KLRG1: variants seen among roughly 807,000 people sequenced by gnomAD.
KLRG1 encodes the protein killer cell lectin-like receptor subfamily G member 1.
Under a neutral mutation model 21.8 loss-of-function variants are expected in KLRG1, and 16 were observed. That is an observed-to-expected ratio of 0.73 (90% confidence interval 0.50 to 1.11). The LOEUF (loss-of-function observed/expected upper bound fraction) is 1.11, where lower values mean the gene tolerates loss of function less well. Among genes scored for constraint, KLRG1 ranks in the 50% most tolerant of loss-of-function variants. KLRG1 has a pLI of 0.00. For missense variants in KLRG1, 173 were observed against 218.3 expected (o/e 0.79, Z 1.31); for synonymous variants, 69 against 75.9 (o/e 0.91, Z 0.47).
At chr12:9,100,457 T>G in the KLRG1 span, among the ~76,000 whole-genome samples, 157 of 152,222 alleles carry the variant, frequency 1.0e-3, 1 homozygote, top group African/African-American at 3.7e-3. Flanking sequence ...TTTATTTACT[T>G]TTATAGAGAT....
At chr12:9,190,660 A>G in the KLRG1 span, among the ~76,000 whole-genome samples, 261 of 152,336 alleles carry the variant, frequency 1.7e-3, no homozygotes, top group Non-Finnish European at 3.1e-3. Context: ...GTTTACCTAC[A>G]TAACAAACCT....
the KLRG1 span, chr12:9,101,086 G>A: frequency 3.4e-6 from 5 of 1,470,690 alleles, no homozygotes; most frequent in African/African-American, 4.2e-5. Context: ...TACTTCCGTG[G>A]TGTAAGGCTG....
chr12:9,021,201 G>A, the KLRG1 span, among the ~76,000 whole-genome samples: 1 of 152,086 alleles, frequency 6.6e-6, no homozygotes, highest in Non-Finnish European at 1.5e-5. Context: ...TACCATGAAT[G>A]GAACTTGCAG....
intron 1 of KLRG1, among the ~76,000 whole-genome samples, chr12:8,982,122 A>C (rs953947218): frequency 3.9e-5 from 6 of 152,216 alleles, no homozygotes; most frequent in Non-Finnish European, 5.9e-5. Flanking sequence ...TATGACAGAT[A>C]CTTTGTAGAT....
At chr12:9,068,809 C>T in the KLRG1 span, 2 of 1,607,572 alleles carry the variant, frequency 1.2e-6, no homozygotes, top group Non-Finnish European at 1.7e-6. Flanking sequence ...TCTTGCAGAA[C>T]CGTGAAGAAC....
At chr12:9,031,914 A>G in the KLRG1 span, among the ~76,000 whole-genome samples, 3 of 152,228 alleles carry the variant, frequency 2.0e-5, no homozygotes, top group African/African-American at 7.2e-5. Flanking sequence ...GCCAGCGGAA[A>G]TGTATGGTCT....
At chr12:9,204,902 C>T in the KLRG1 span, among the ~76,000 whole-genome samples, 1 of 151,804 alleles carries the variant, frequency 6.6e-6, no homozygotes, top group Non-Finnish European at 1.5e-5. Flanking sequence ...TGAGAACAGC[C>T]TGCACAACAT....
the KLRG1 span, among the ~76,000 whole-genome samples, chr12:9,121,019 T>C: frequency 6.6e-6 from 1 of 151,880 alleles, no homozygotes; most frequent in Admixed American, 6.6e-5. This position sits in a 1 kb window ranked among gnomAD's most constrained non-coding sequence, Gnocchi z 4.4. Flanking sequence ...TAGCTAAGAC[T>C]ACAGGTGCAC....
At chr12:9,150,563 G>T in the KLRG1 span, 1 of 908,420 alleles carries the variant, frequency 1.1e-6, no homozygotes, top group Non-Finnish European at 1.7e-6. Context: ...TTGACTAAGT[G>T]GGCTAAGAAG....
chr12:9,049,999 C>T, the KLRG1 span, among the ~76,000 whole-genome samples: 3 of 152,124 alleles, frequency 2.0e-5, no homozygotes, highest in African/African-American at 7.2e-5. Flanking sequence ...GCTGGGAACA[C>T]AGTAATTGTT....
chr12:8,970,253 A>G (rs1223049983), intron 1 of KLRG1, among the ~76,000 whole-genome samples: 1 of 152,268 alleles, frequency 6.6e-6, no homozygotes, highest in Non-Finnish European at 1.5e-5. Context: ...TTTACATTGT[A>G]TCTATGGCTG....
At chr12:9,059,996 C>CTTTTTTT in the KLRG1 span, among the ~76,000 whole-genome samples, 2 of 75,566 alleles carry the variant, frequency 2.6e-5, no homozygotes, top group African/African-American at 5.4e-5. Context: ...GCCCTGGCAT[C>CTTTTTTT]TTTTTTTTTT....
chr12:9,084,161 A>C, the KLRG1 span, among the ~76,000 whole-genome samples: 1 of 152,208 alleles, frequency 6.6e-6, no homozygotes, highest in Non-Finnish European at 1.5e-5. Flanking sequence ...GGAGTCGTCA[A>C]CATTAGGCCT....
chr12:9,200,544 C>G, the KLRG1 span: 465 of 947,774 alleles, frequency 4.9e-4, no homozygotes, highest in South Asian at 1.2e-3. Context: ...CAAAATAACA[C>G]TCTGAATGTT....
the KLRG1 span, among the ~76,000 whole-genome samples, chr12:9,129,513 G>C: frequency 6.6e-6 from 1 of 152,000 alleles, no homozygotes; most frequent in Non-Finnish European, 1.5e-5. Context: ...AGTATTTTCA[G>C]TATTATTGTA....
intron 1 of KLRG1, among the ~76,000 whole-genome samples, chr12:8,969,485 CG>C (rs1946533235): frequency 1.3e-5 from 2 of 151,678 alleles, no homozygotes; most frequent in South Asian, 4.2e-4. Context: ...GGCTGGCTAC[CG>C]TAGCAGGTGA....
the KLRG1 span, among the ~76,000 whole-genome samples, chr12:9,211,246 T>G: frequency 6.6e-6 from 1 of 152,206 alleles, no homozygotes; most frequent in Non-Finnish European, 1.5e-5. Flanking sequence ...TGTATTTGCA[T>G]GCTTGATGGT....
the KLRG1 span, chr12:9,067,570 G>A: frequency 1.8e-6 from 1 of 551,998 alleles, no homozygotes; most frequent in South Asian, 1.9e-5. Flanking sequence ...AGCCTACTCA[G>A]ACCGACATCA....
At chr12:9,022,171 C>A in the KLRG1 span, among the ~76,000 whole-genome samples, 7 of 152,168 alleles carry the variant, frequency 4.6e-5, no homozygotes, top group African/African-American at 1.7e-4. Flanking sequence ...AATACATAAA[C>A]AATAACAGTT....
Sources: allele counts gnomAD v4.1 joint callset (sites outside exome capture counted in the v4.1 genomes callset), GRCh38; gene constraint gnomAD v4.1.1; non-coding constraint Gnocchi (gnomAD v3.1); transcripts MANE v1.5; gene names NCBI Gene and HGNC (gene_info 2026-07-23, HGNC 2026-07-21).